Variants in TOR1AIP2 observed in about 807,000 individuals in gnomAD.
TOR1AIP2 encodes the protein torsin 1A interacting protein 2.
A neutral mutation model predicts 32.6 loss-of-function variants in TOR1AIP2; 20 were observed. That is an observed-to-expected ratio of 0.61 (90% confidence interval 0.43 to 0.89). The LOEUF (loss-of-function observed/expected upper bound fraction) is 0.89, where lower values mean the gene tolerates loss of function less well. Among genes scored for constraint, TOR1AIP2 ranks in the 40% least tolerant of loss-of-function variants. The probability of loss-of-function intolerance (pLI) is 0.00; values close to 1 mark genes in which losing one functional copy is unlikely to be tolerated. For missense variants in TOR1AIP2, 456 were observed against 553.8 expected (o/e 0.82, Z 1.77); for synonymous variants, 214 against 210.8 (o/e 1.02, Z -0.13).
At position 179,866,875 on chromosome 1, in the gene TOR1AIP2, T is replaced by C. The variant is rs549042920; in HGVS notation, c.-565-1021A>G. Among the ~76,000 whole-genome samples the C allele has an allele frequency of 1.4e-4, 22 of 152,318 alleles. No homozygotes were observed. In the South Asian group the frequency reaches 1.7e-3, roughly 11 times the overall value. ...TTCCTTCATGACACTGGATGTAGCA[T>C]GTAAATAAGGTGGGACAGTAGGATG... is the stretch of plus-strand genomic sequence containing the variant. On this transcript the variant is annotated intron_variant, in intron 2 of 6. Transcript: ENST00000609928.
chr1:179,862,126 T>C, intron 3 of TOR1AIP2: 4 of 985,312 alleles, frequency 4.1e-6, no homozygotes, highest in Non-Finnish European at 4.8e-6. Flanking sequence ...TAGGTATTGA[T>C]TTGAGAAATC....
chr1:179,852,925 C>T, intron 3 of TOR1AIP2, 114 bp from the exon 4 acceptor site: 1 of 752,970 alleles, frequency 1.3e-6, no homozygotes, highest in Non-Finnish European at 1.7e-6. Flanking sequence ...CTCTGTGAAA[C>T]TTTTTTCGTG....
In TOR1AIP2 at chr1:179,852,823, TG is replaced by T; in HGVS notation, c.-146-13del. On this transcript the variant is annotated splice_polypyrimidine_tract_variant and intron_variant, in intron 3 of 6. Transcript: ENST00000609928. The stretch of plus-strand genomic sequence containing the variant: ...CATATATACAGTGACTAAAACAAAA[TG>T]AAAAAAAATTAAATGACTTTTTATC... 7.2e-7 allele frequency: 1 copy of T among 1,390,034 alleles called. No homozygotes were observed. Among genetic ancestry groups the T allele is most frequent in the South Asian group, 1.7e-5 (1 of 57,408 alleles). The allele number at this position is 1,390,034 out of a possible 1,614,324, so 86.1% of individuals were successfully genotyped here. A position where few individuals can be genotyped will look rare whatever the true frequency, so the allele number is the denominator to read the frequency against.
At chr1:179,861,956 T>A (rs1054102803) in intron 3 of TOR1AIP2, 3 of 980,998 alleles carry the variant, frequency 3.1e-6, no homozygotes, top group Non-Finnish European at 3.6e-6. Flanking sequence ...TGCCTCAACC[T>A]CTGAAGTAGC....
intron 2 of TOR1AIP2, chr1:179,868,809 TAA>T (rs1696897160): frequency 6.6e-6 from 1 of 152,170 alleles, no homozygotes; most frequent in African/African-American, 2.4e-5. Context: ...TCCACTTACA[TAA>T]AGTTTCAAAA....
At chr1:179,858,911 T>G (rs1696409072) in intron 3 of TOR1AIP2, 1 of 683,094 alleles carries the variant, frequency 1.5e-6, no homozygotes, top group African/African-American at 1.9e-5. Flanking sequence ...CTAAGACCAT[T>G]TTTTAAATGG....
intron 2 of TOR1AIP2, among the ~76,000 whole-genome samples, 167 bp downstream of exon 2, chr1:179,877,072 C>A (rs1341900355): frequency 6.6e-6 from 1 of 151,890 alleles, no homozygotes; most frequent in Admixed American, 6.6e-5. Flanking sequence ...GGAGTAATCG[C>A]CGCCTACACT....
intron 5 of TOR1AIP2, 23 bp downstream of exon 5, chr1:179,850,822 A>G (rs370469437): frequency 1.2e-6 from 2 of 1,604,382 alleles, no homozygotes; most frequent in Admixed American, 1.7e-5. Flanking sequence ...AAAACAGGAG[A>G]GTAGTTCAGG....
intron 2 of TOR1AIP2, among the ~76,000 whole-genome samples, chr1:179,876,707 A>G (rs955057805): frequency 6.6e-6 from 1 of 152,170 alleles, no homozygotes; most frequent in African/African-American, 2.4e-5. Context: ...GATCTCTCAT[A>G]CAGATCCAAA....
intron 3 of TOR1AIP2, among the ~76,000 whole-genome samples, chr1:179,854,354 A>G (rs1696220580): frequency 6.6e-6 from 1 of 152,224 alleles, no homozygotes; most frequent in Admixed American, 6.5e-5. Flanking sequence ...AATATCATGC[A>G]TAGACAAATA....
At position 179,839,984 on chromosome 1, in the gene TOR1AIP2, T is replaced by C. The variant is rs1695672239; in HGVS notation, c.*6087A>G. 1 of 152,244 alleles carries C rather than the reference T, an allele frequency of 6.6e-6. No homozygotes were observed. Among genetic ancestry groups the C allele is most frequent in the Non-Finnish European group, 1.5e-5 (1 of 68,052 alleles). The allele number at this position is 152,244 out of a possible 1,614,324, so 9.4% of individuals were successfully genotyped here. ...CAGTCCGCTGAAAAAAATTCAGATT[T>C]ATTCTTTATTCTGGTAATGGCCAAC... On this transcript the variant is annotated 3_prime_UTR_variant, in exon 7 of 7. Coordinates refer to ENST00000609928, the MANE Select transcript of TOR1AIP2 (RefSeq NM_001199260.2).
intron 3 of TOR1AIP2, chr1:179,862,348 T>A: frequency 1.9e-5 from 19 of 985,312 alleles, no homozygotes; most frequent in Non-Finnish European, 2.2e-5. Context: ...GAAAGCACTC[T>A]CTCAAAGTAA....
At chr1:179,869,638 C>T (rs939609250) in intron 2 of TOR1AIP2, among the ~76,000 whole-genome samples, 2 of 152,126 alleles carry the variant, frequency 1.3e-5, no homozygotes, top group African/African-American at 4.8e-5. Flanking sequence ...TCTTTGTTTT[C>T]CTCACAAAAT....
chr1:179,853,673 T>C (rs1696197474), intron 3 of TOR1AIP2, among the ~76,000 whole-genome samples: 3 of 152,234 alleles, frequency 2.0e-5, no homozygotes, highest in Admixed American at 6.5e-5. Context: ...TTTATGTTTT[T>C]CTCAGTACTC....
intron 2 of TOR1AIP2, among the ~76,000 whole-genome samples, chr1:179,872,892 T>C (rs1286980847): frequency 6.6e-6 from 1 of 152,260 alleles, no homozygotes; most frequent in African/African-American, 2.4e-5. Flanking sequence ...TTAAACTTTT[T>C]ATTTTGAACT....
In TOR1AIP2 at chr1:179,850,879, A is replaced by G; in HGVS notation, c.519T>C (p.Gly173=). 3 of 1,613,864 alleles carry G rather than the reference A, an allele frequency of 1.9e-6. No homozygotes were observed. The highest frequency in any genetic ancestry group is 2.5e-6 in the Non-Finnish European group (3 of 1,179,846). ...SPGHSSAGQE[G]EDTLRRRLLA... ...GCAGTCGCCTCCTCAGTGTATCCTC[A>G]CCCTCTTGCCCTGCACTGGAATGAC... Residue 173 remains glycine (G), a synonymous_variant, in exon 5 of 7, where the codon GGT becomes GGC. Coordinates refer to ENST00000609928, the MANE Select transcript of TOR1AIP2 (RefSeq NM_001199260.2).
chr1:179,845,711 G>C lies in TOR1AIP2; in HGVS notation c.*360C>G, dbSNP rs1421375018. On this transcript the variant is annotated 3_prime_UTR_variant, in exon 7 of 7. Transcript: ENST00000609928. Reference sequence around the variant, plus strand: ...AACATTATCGAAAAGGTTCTTCAGAGTCTCACTCAAGAAAAAAAAAAAATC... The same window carrying C: ...AACATTATCGAAAAGGTTCTTCAGACTCTCACTCAAGAAAAAAAAAAAATC... 1 of 172,802 alleles carries C rather than the reference G, an allele frequency of 5.8e-6. No individual in the cohort carries two copies. The highest frequency in any genetic ancestry group is 1.2e-5 in the Non-Finnish European group (1 of 82,692). 10.7% of individuals were successfully genotyped at this position (172,802 alleles called of 1,614,324 possible). A position where few individuals can be genotyped will look rare whatever the true frequency, so the allele number is the denominator to read the frequency against.
chr1:179,872,558 G>A (rs1196517778), intron 2 of TOR1AIP2, among the ~76,000 whole-genome samples: 5 of 152,146 alleles, frequency 3.3e-5, no homozygotes, highest in Non-Finnish European at 5.9e-5. Flanking sequence ...GTTTGAAAAA[G>A]TACTAGCCTC....
In TOR1AIP2 at chr1:179,852,662, C is replaced by T; in HGVS notation, c.4G>A (p.Ala2Thr). Reference protein sequence around the residue: MADSGLREPQED... With the variant: MTDSGLREPQED... ...TGAGGTTCCCTAAGTCCACTGTCGG[C>T]CATGTTTGTGTTCTATCTCTTCAGA... Residue 2 changes from alanine (A) to threonine (T), a missense_variant, in exon 4 of 7, where the codon GCC becomes ACC. Physicochemically the swap from Ala to Thr is moderately conservative, Grantham distance 58 (BLOSUM62 0). Coordinates refer to ENST00000609928, the MANE Select transcript of TOR1AIP2 (RefSeq NM_001199260.2). The T allele has an allele frequency of 6.2e-7, 1 of 1,614,026 alleles. No homozygotes were observed. The highest frequency in any genetic ancestry group is 1.1e-5 in the South Asian group (1 of 91,080).
Sources: gnomAD v4.1 joint callset for allele counts (sites outside exome capture counted in the v4.1 genomes callset) on GRCh38, gnomAD v4.1.1 for gene constraint, MANE v1.5 for transcripts, NCBI Gene and HGNC (gene_info 2026-07-23, HGNC 2026-07-21) for gene names.